GPHN: variants seen among roughly 807,000 people sequenced by gnomAD.
GPHN encodes gephyrin.
In GPHN, 17 loss-of-function variants were observed where a neutral mutation model predicts 95.5. That is an observed-to-expected ratio of 0.18 (90% CI 0.12 to 0.27). The LOEUF is 0.27. GPHN is among the 10% of genes least tolerant of loss of function. The pLI, the probability that GPHN is intolerant of heterozygous loss-of-function variation, is 1.00. For synonymous variants in GPHN, 320 were observed against 322.5 expected, an observed-to-expected ratio of 0.99 and a Z score of 0.08; for missense variants, 660 against 978.1, an observed-to-expected ratio of 0.67 and a Z score of 4.34.
chr14:66,777,867 A>C (rs572725503), intron 3 of GPHN, among the ~76,000 whole-genome samples: 15 of 152,302 alleles, frequency 9.8e-5, no homozygotes, highest in Admixed American at 2.6e-4. Context: ...AGCCAATATC[A>C]TACTGAATGG....
At chr14:66,797,213 A>G (rs912585741) in intron 3 of GPHN, among the ~76,000 whole-genome samples, 1 of 151,616 alleles carries the variant, frequency 6.6e-6, no homozygotes, top group Non-Finnish European at 1.5e-5. Context: ...TGTCAGTATC[A>G]TGATGTTTGG....
At chr14:66,707,758 G>A (rs557324375) in intron 2 of GPHN, among the ~76,000 whole-genome samples, 3 of 148,474 alleles carry the variant, frequency 2.0e-5, no homozygotes, top group Admixed American at 6.7e-5. Flanking sequence ...AAATGTGCAC[G>A]TTCTGTATAG....
chr14:67,592,205 C>A, the GPHN span: 1 of 238,856 alleles, frequency 4.2e-6, no homozygotes, highest in Non-Finnish European at 8.6e-6. Context: ...GAGGCTGAGG[C>A]AGGAGAATTG....
chr14:66,843,996 C>T (rs1041120024), intron 4 of GPHN, among the ~76,000 whole-genome samples: 2 of 151,808 alleles, frequency 1.3e-5, no homozygotes, highest in African/African-American at 4.8e-5. Context: ...ATAAGTTACT[C>T]CTATTAATTT....
the GPHN span, among the ~76,000 whole-genome samples, chr14:67,369,922 G>A: frequency 6.6e-6 from 1 of 152,206 alleles, no homozygotes; most frequent in Non-Finnish European, 1.5e-5. Flanking sequence ...ATATAGGGGT[G>A]TGAAGTGGGA....
At chr14:67,469,726 C>T in the GPHN span, among the ~76,000 whole-genome samples, 1 of 152,078 alleles carries the variant, frequency 6.6e-6, no homozygotes, top group African/African-American at 2.4e-5. Context: ...AGAGATTACT[C>T]CCTCCAAATG....
chr14:67,483,056 G>T, the GPHN span, among the ~76,000 whole-genome samples: 1 of 152,068 alleles, frequency 6.6e-6, no homozygotes, highest in Non-Finnish European at 1.5e-5. Flanking sequence ...TGTCACCCAG[G>T]CTGTAGTGCA....
chr14:67,674,215 A>G, the GPHN span, among the ~76,000 whole-genome samples: 1 of 152,230 alleles, frequency 6.6e-6, no homozygotes, highest in Non-Finnish European at 1.5e-5. Flanking sequence ...TCTCAGTGGC[A>G]GCAGGGAGAC....
At position 67,152,963 on chromosome 14, in the gene GPHN, C is replaced by CAA. The variant is rs58963986; in HGVS notation, c.1837-6441_1837-6440dup. ...CTGGTGACAGAGCGAGACTCCGTGT[C>CAA]AAAAAAAAAAAAGGTTCACTGTCTT... On this transcript the variant is annotated intron_variant, in intron 18 of 22. Transcript: ENST00000478722. Among the ~76,000 whole-genome samples the CAA allele has an allele frequency of 5.4e-4, 76 of 139,842 alleles. 1 individual carries two copies. The South Asian group carries it at 6.3e-3, about 12-fold the overall frequency. 91.7% of individuals were successfully genotyped at this position (139,842 alleles called of 152,430 possible). A position where few individuals can be genotyped will look rare whatever the true frequency, so the allele number is the denominator to read the frequency against.
the GPHN span, among the ~76,000 whole-genome samples, chr14:67,695,327 T>C: frequency 6.6e-6 from 1 of 152,190 alleles, no homozygotes; most frequent in African/African-American, 2.4e-5. Context: ...ACTCAAGCGT[T>C]TGAGGTAGCC....
At chr14:67,306,393 G>A in the GPHN span, among the ~76,000 whole-genome samples, 3 of 151,982 alleles carry the variant, frequency 2.0e-5, no homozygotes, top group Admixed American at 1.3e-4. Context: ...CGCCCAGGCT[G>A]GAGTACAGTG....
At chr14:66,885,299 C>G (rs1011723912) in intron 5 of GPHN, among the ~76,000 whole-genome samples, 1 of 151,990 alleles carries the variant, frequency 6.6e-6, no homozygotes, top group African/African-American at 2.4e-5. Context: ...CAGGATCTCT[C>G]TGATATAACT....
chr14:67,455,714 A>T, the GPHN span, among the ~76,000 whole-genome samples: 1 of 152,196 alleles, frequency 6.6e-6, no homozygotes, highest in African/African-American at 2.4e-5. Flanking sequence ...ATCATTTACC[A>T]TATATAATAA....
intron 1 of GPHN, among the ~76,000 whole-genome samples, chr14:66,539,882 T>G (rs2059292401): frequency 6.6e-6 from 1 of 152,224 alleles, no homozygotes; most frequent in African/African-American, 2.4e-5. Context: ...CATCTACTTC[T>G]TGTTCTTTCA....
At chr14:67,349,191 G>A in the GPHN span, 2 of 1,242,452 alleles carry the variant, frequency 1.6e-6, no homozygotes, top group African/African-American at 3.0e-5. Flanking sequence ...CATTAAATGA[G>A]ACCAAGAGTG....
intron 10 of GPHN, among the ~76,000 whole-genome samples, chr14:67,037,251 A>C (rs1429192838): frequency 6.6e-6 from 1 of 152,152 alleles, no homozygotes; most frequent in African/African-American, 2.4e-5. Context: ...ACGAAGACAG[A>C]CCCTTATCTT....
chr14:66,964,730 G>C (rs1187750162), intron 8 of GPHN, among the ~76,000 whole-genome samples: 3 of 152,124 alleles, frequency 2.0e-5, no homozygotes, highest in African/African-American at 7.2e-5. Flanking sequence ...TCAGTCTTCT[G>C]CCAGTGCCTT....
intron 5 of GPHN, among the ~76,000 whole-genome samples, chr14:66,894,652 A>G (rs1381224298): frequency 6.6e-6 from 1 of 152,222 alleles, no homozygotes. Flanking sequence ...AAAGCACTCA[A>G]ACAAATTTGC....
At chr14:67,609,498 A>G in the GPHN span, among the ~76,000 whole-genome samples, 8 of 152,204 alleles carry the variant, frequency 5.3e-5, no homozygotes, top group Non-Finnish European at 1.2e-4. Context: ...ATCACTGGCC[A>G]TTGGTGGCCA....
Sources: allele counts gnomAD v4.1 joint callset (sites outside exome capture counted in the v4.1 genomes callset), GRCh38; gene constraint gnomAD v4.1.1; transcripts MANE v1.5; gene names NCBI Gene and HGNC (gene_info 2026-07-23, HGNC 2026-07-21).